TRPM1: variants seen among roughly 807,000 people sequenced by gnomAD.
TRPM1 encodes the protein transient receptor potential cation channel subfamily M member 1, also known as TRPM1-203 APA Isoform, Intron 10.
In TRPM1, 113 loss-of-function variants were observed where a neutral mutation model predicts 149.4. The ratio of observed to expected loss-of-function variants is 0.76; its 90% CI spans 0.65 to 0.88. The LOEUF is 0.88. Ranked by LOEUF, TRPM1 falls within the 40% of genes least tolerant of loss-of-function variation. The pLI, the probability that TRPM1 is intolerant of heterozygous loss-of-function variation, is 0.00. For missense variants in TRPM1, 1,976 were observed against 2,038.7 expected (o/e 0.97, Z 0.59); for synonymous variants, 741 against 759.5 (o/e 0.98, Z 0.40).
chr15:31,061,413 A>G (rs773216361), intron 10 of TRPM1, 29 bp downstream of exon 10: 6 of 1,608,476 alleles, frequency 3.7e-6, no homozygotes, highest in African/African-American at 2.7e-5. Flanking sequence ...CATCAGAGGG[A>G]CAGGAGTCAC....
At chr15:31,062,070 C>G (rs1042014700) in intron 9 of TRPM1, among the ~76,000 whole-genome samples, 1 of 152,044 alleles carries the variant, frequency 6.6e-6, no homozygotes, top group African/African-American at 2.4e-5. Flanking sequence ...CTGGCACCCT[C>G]GAGAGGAGGG....
At chr15:31,161,141 G>T (rs954677037) in exon 1 of TRPM1, 2 of 621,124 alleles carry the variant, frequency 3.2e-6, no homozygotes, top group East Asian at 2.8e-5. Flanking sequence ...GCCGGCCGGA[G>T]GCTGGTTCAG....
chr15:31,011,536 A>G (rs1355187682), intron 27 of TRPM1, among the ~76,000 whole-genome samples: 1 of 152,108 alleles, frequency 6.6e-6, no homozygotes, highest in Non-Finnish European at 1.5e-5. Context: ...GACTACAGGC[A>G]TGCACTACCA....
intron 1 of TRPM1, among the ~76,000 whole-genome samples, chr15:31,157,385 A>G (rs1378869503): frequency 6.6e-6 from 1 of 152,176 alleles, no homozygotes; most frequent in Non-Finnish European, 1.5e-5. Flanking sequence ...TACAGCATGA[A>G]TGTGAATGTG....
chr15:31,068,069 G>T lies in TRPM1; in HGVS notation c.303C>A (p.Thr101=). The change falls in exon 5 of 28, where the codon ACC becomes ACA. Residue 101 remains threonine, a synonymous_variant. Transcript: ENST00000256552. ...TGAGATGGAGCAGTGAGTCTGGCTTGGTGTCATAGGATACACGGATATACT... is the reference window on the plus strand; with the variant it reads ...TGAGATGGAGCAGTGAGTCTGGCTTTGTGTCATAGGATACACGGATATACT... ...KAMYIRVSYD[T]KPDSLLHLMV... The T allele has an allele frequency of 6.2e-7, 1 of 1,614,144 alleles. No homozygotes were observed. The highest frequency in any genetic ancestry group is 8.5e-7 in the Non-Finnish European group (1 of 1,180,010).
At chr15:31,138,123 A>G (rs1212430271) in intron 1 of TRPM1, among the ~76,000 whole-genome samples, 2 of 152,240 alleles carry the variant, frequency 1.3e-5, no homozygotes, top group African/African-American at 2.4e-5. Context: ...CCTCAGCTCC[A>G]TGGCAACCAA....
upstream of TRPM1, among the ~76,000 whole-genome samples, chr15:31,103,472 A>G (rs77261296): frequency 0.017 from 2,539 of 152,306 alleles, 21 homozygotes; most frequent in Non-Finnish European, 0.026. Flanking sequence ...GTTGAATAGA[A>G]TGTTATTAAT....
intron 1 of TRPM1, among the ~76,000 whole-genome samples, chr15:31,090,818 AC>A: frequency 6.6e-6 from 1 of 152,120 alleles, no homozygotes; most frequent in Non-Finnish European, 1.5e-5. Flanking sequence ...TGGGCTTTAG[AC>A]GTACCTGAGT....
In TRPM1 at chr15:31,063,269, C is replaced by T. The variant is rs555066398; in HGVS notation, c.814G>A (p.Val272Met). The T allele has an allele frequency of 2.8e-5, 46 of 1,614,150 alleles. No homozygotes were observed. The highest frequency in any genetic ancestry group is 1.6e-4 in the Middle Eastern group (1 of 6,062). The change falls in exon 8 of 28, where the codon GTG becomes ATG. Residue 272 changes from valine to methionine, a missense_variant. By Grantham distance (21) the Val-to-Met change is conservative. Around this residue, in one of 3 missense-constraint regions of TRPM1, gnomAD observed 1,332 missense variants for 1,347.1 expected, o/e 0.99. Coordinates refer to ENST00000256552, the MANE Select transcript of TRPM1 (RefSeq NM_001252024.2). Reference sequence around the variant, plus strand: ...GGGCCCCCCTCCACCACGAGACCCACGAGGGGCACGCCCTGCCCCAGTCCT... The same window carrying T: ...GGGCCCCCCTCCACCACGAGACCCATGAGGGGCACGCCCTGCCCCAGTCCT... ...NTRLGQGVPL[V>M]GLVVEGGPNV...
intron 9 of TRPM1, among the ~76,000 whole-genome samples, chr15:31,062,070 C>T (rs1042014700): frequency 6.6e-6 from 1 of 152,044 alleles, no homozygotes; most frequent in Non-Finnish European, 1.5e-5. Flanking sequence ...CTGGCACCCT[C>T]GAGAGGAGGG....
intron 7 of TRPM1, among the ~76,000 whole-genome samples, chr15:31,064,503 GC>G (rs2034316569): frequency 6.6e-6 from 1 of 152,180 alleles, no homozygotes; most frequent in Non-Finnish European, 1.5e-5. Flanking sequence ...AGGCACATTT[GC>G]CTACTTCCTA....
At chr15:31,033,053 T>C in intron 21 of TRPM1, 113 bp from the exon 22 acceptor site, 2 of 1,463,902 alleles carry the variant, frequency 1.4e-6, no homozygotes, top group East Asian at 2.3e-5. Flanking sequence ...GCCCCTTTCC[T>C]ACTCAAAACG....
At chr15:31,071,998 TATATATATATATATATATATAG>T (rs1309555140) in intron 3 of TRPM1, among the ~76,000 whole-genome samples, 1,491 of 66,712 alleles carry the variant, frequency 0.022, 26 homozygotes, top group East Asian at 0.069. Context: ...TATATATATA[TATATATATATATATATATATAG>T]AGAGAGAGAG....
At chr15:31,102,921 T>C (rs751587195), upstream of TRPM1, among the ~76,000 whole-genome samples, 1 of 152,214 alleles carries the variant, frequency 6.6e-6, no homozygotes, top group Non-Finnish European at 1.5e-5. Flanking sequence ...TGTTGGCTCC[T>C]GAGGCCTGAG....
At chr15:31,062,946 G>C in intron 8 of TRPM1, 172 bp downstream of exon 8, 2 of 1,014,248 alleles carry the variant, frequency 2.0e-6, no homozygotes, top group South Asian at 2.8e-5. Flanking sequence ...GGAACACCCT[G>C]CCTCTGATGG....
chr15:31,066,655 C>T (rs372015414), intron 6 of TRPM1, among the ~76,000 whole-genome samples: 13 of 152,026 alleles, frequency 8.6e-5, no homozygotes, highest in South Asian at 2.1e-4. Context: ...GCAACCTGGA[C>T]GCGTGTTCAG....
rs1304790776 is a variant in TRPM1 at position 31,063,106 on chromosome 15, C to G, written c.965+12G>C. The stretch of plus-strand genomic sequence containing the variant: ...TACGAACCCGCCCTTCCTCGCGCGT[C>G]AGAAATCCTACCCGCCTTCTTCACA... On this transcript the variant is annotated intron_variant, in intron 8 of 27. Coordinates refer to ENST00000256552, the MANE Select transcript of TRPM1 (RefSeq NM_001252024.2). 6.2e-7 allele frequency: 1 copy of G among 1,614,038 alleles called. No homozygotes were observed. Among genetic ancestry groups the G allele is most frequent in the Non-Finnish European group, 8.5e-7 (1 of 1,180,026 alleles).
chr15:31,004,791 G>C (rs548384598), intron 27 of TRPM1, among the ~76,000 whole-genome samples: 3 of 152,192 alleles, frequency 2.0e-5, no homozygotes, highest in Admixed American at 6.5e-5. Flanking sequence ...AGTAAGACTT[G>C]GTGTTCTTCA....
chr15:31,003,086 G>C lies in TRPM1; in HGVS notation c.3630-16C>G, dbSNP rs1328134724. On this transcript the variant is annotated splice_polypyrimidine_tract_variant and intron_variant, in intron 27 of 27. Transcript: ENST00000256552. ...ATTTTCAACTCTGGTGAATATAAAG[G>C]GATAGATTTATTAAACTGAGATTAA... The C allele has an allele frequency of 6.3e-7, 1 of 1,588,184 alleles. No homozygotes were observed. Among genetic ancestry groups the C allele is most frequent in the East Asian group, 2.2e-5 (1 of 44,696 alleles).
Sources: gnomAD v4.1 joint callset for allele counts (sites outside exome capture counted in the v4.1 genomes callset) on GRCh38, gnomAD v4.1.1 for gene constraint, gnomAD v4.1.1 regional missense constraint, MANE v1.5 for transcripts, NCBI Gene and HGNC (gene_info 2026-07-23, HGNC 2026-07-21) for gene names.